The following CYTH1 variants were observed in gnomAD, a reference collection of about 807,000 sequenced individuals.
CYTH1 encodes the protein cytohesin-1.
CYTH1 carries 18 observed loss-of-function variants against 61.8 expected under a neutral mutation model. The ratio of observed to expected loss-of-function variants is 0.29; its 90% CI spans 0.20 to 0.43. The LOEUF (loss-of-function observed/expected upper bound fraction) is 0.43. CYTH1 is among the 20% of genes least tolerant of loss of function. CYTH1 has a pLI of 1.00. For missense variants in CYTH1, 336 were observed against 510.5 expected (o/e 0.66, Z 3.29); for synonymous variants, 174 against 184.3 (o/e 0.94, Z 0.45).
chr17:78,685,027 C>A (rs1178266384), intron 11 of CYTH1, among the ~76,000 whole-genome samples: 1 of 151,830 alleles, frequency 6.6e-6, no homozygotes, highest in Non-Finnish European at 1.5e-5. Context: ...GGTGAAACCC[C>A]ATCTCTACTA....
At chr17:78,734,255 C>T (rs1010454606) in intron 1 of CYTH1, among the ~76,000 whole-genome samples, 2 of 150,134 alleles carry the variant, frequency 1.3e-5, no homozygotes, top group African/African-American at 4.9e-5. Flanking sequence ...AAAAAAAAGG[C>T]AAATCAAGGG....
intron 1 of CYTH1, among the ~76,000 whole-genome samples, chr17:78,769,703 C>T (rs989100049): frequency 6.6e-6 from 1 of 152,170 alleles, no homozygotes; most frequent in Admixed American, 6.5e-5. Context: ...CTGAATAAAC[C>T]ATTACAAACT....
chr17:78,731,842 T>C lies in CYTH1; in HGVS notation c.23-22110A>G, dbSNP rs1014642696. ...GAAAGAAAGGCAGAGACAAGAACAC[T>C]ATAAATCCAGTAAAGTTGCCTTTGC... On this transcript the variant is annotated intron_variant, in intron 1 of 13. Transcript: ENST00000446868. Among the ~76,000 whole-genome samples, 6 of 151,418 alleles carry C rather than the reference T, an allele frequency of 4.0e-5. No individual in the cohort carries two copies. In the East Asian group the frequency reaches 1.2e-3, roughly 30 times the overall value.
chr17:78,770,134 G>A (rs2093464717), intron 1 of CYTH1, among the ~76,000 whole-genome samples: 1 of 151,018 alleles, frequency 6.6e-6, no homozygotes, highest in Non-Finnish European at 1.5e-5. Flanking sequence ...TGACGACACA[G>A]CAAGACTTCG....
At chr17:78,732,488 G>A (rs1248022852) in intron 1 of CYTH1, among the ~76,000 whole-genome samples, 1 of 152,198 alleles carries the variant, frequency 6.6e-6, no homozygotes, top group Non-Finnish European at 1.5e-5. Flanking sequence ...CATCTCTGGT[G>A]TACTCAACAG....
chr17:78,685,846 T>A (rs2092811244), intron 11 of CYTH1, among the ~76,000 whole-genome samples: 1 of 152,232 alleles, frequency 6.6e-6, no homozygotes, highest in Non-Finnish European at 1.5e-5. Context: ...CATTCTTCTC[T>A]TCAAAACTGT....
chr17:78,703,106 AT>A (rs1017202453), intron 3 of CYTH1, among the ~76,000 whole-genome samples: 2 of 150,438 alleles, frequency 1.3e-5, no homozygotes, highest in Admixed American at 1.3e-4. Flanking sequence ...TTTTAACATG[AT>A]TTTTAAAAAA....
chr17:78,766,286 C>T (rs1288351163), intron 1 of CYTH1, among the ~76,000 whole-genome samples: 1 of 152,034 alleles, frequency 6.6e-6, no homozygotes. Context: ...GGCAAAAAGG[C>T]TAAGAGAAGC....
intron 10 of CYTH1, among the ~76,000 whole-genome samples, chr17:78,695,793 A>G (rs914667030): frequency 1.4e-4 from 21 of 152,254 alleles, no homozygotes; most frequent in Admixed American, 6.5e-5. Flanking sequence ...TCAGTAATGA[A>G]TATAACATAT....
In CYTH1 at chr17:78,740,662, T is replaced by A. The variant is rs114592045; in HGVS notation, c.23-30930A>T. Among the ~76,000 whole-genome samples the A allele has an allele frequency of 8.6e-4, 131 of 152,354 alleles. 1 individual carries two copies. Among genetic ancestry groups the A allele is most frequent in the African/African-American group, 3.1e-3 (128 of 41,594 alleles). ...TTCCTTAAAATAGACATTTAACCAC[T>A]GCATCACCAAATTGTATGTTTCACT... On this transcript the variant is annotated intron_variant, in intron 1 of 13. Transcript: ENST00000446868.
At chr17:78,779,619 T>C (rs1233204791) in intron 1 of CYTH1, among the ~76,000 whole-genome samples, 1 of 152,118 alleles carries the variant, frequency 6.6e-6, no homozygotes. Flanking sequence ...GGTCCCACTA[T>C]AATCACAAGG....
At chr17:78,758,811 C>T (rs576721536) in intron 1 of CYTH1, among the ~76,000 whole-genome samples, 1 of 152,332 alleles carries the variant, frequency 6.6e-6, no homozygotes, top group African/African-American at 2.4e-5. Context: ...CATGCATAGA[C>T]ATCATCTGGG....
chr17:78,698,270 G>A lies in CYTH1; in HGVS notation c.810C>T (p.Leu270=), dbSNP rs369625185. 6.8e-6 allele frequency: 11 copies of A among 1,612,670 alleles called. No individual in the cohort carries two copies. The highest frequency in any genetic ancestry group is 4.5e-5 in the East Asian group (2 of 44,886). Residue 270 remains leucine, a splice_region_variant and synonymous_variant, in exon 9 of 14, where the codon CTC becomes CTT. Transcript: ENST00000446868. The stretch of plus-strand genomic sequence containing the variant: ...GCCCTGACTCAGAGGTGCGCTTACC[G>A]AGTTTCAATAGCCAGCCTTCTCGGT... The part of the protein sequence containing the change: ...NPDREGWLLK[L]GGGRVKTWKR...
intron 1 of CYTH1, among the ~76,000 whole-genome samples, chr17:78,748,248 A>C (rs764441015): frequency 6.6e-5 from 10 of 152,204 alleles, no homozygotes; most frequent in Non-Finnish European, 1.2e-4. Context: ...ATCAAAAATG[A>C]AAACTCTATG....
At chr17:78,752,348 C>T (rs2093383570) in intron 1 of CYTH1, among the ~76,000 whole-genome samples, 1 of 152,104 alleles carries the variant, frequency 6.6e-6, no homozygotes, top group Admixed American at 6.6e-5. Flanking sequence ...TTAAAAAGTA[C>T]CTAATTGGAG....
At chr17:78,758,360 T>C (rs1645686650) in intron 1 of CYTH1, among the ~76,000 whole-genome samples, 2 of 152,166 alleles carry the variant, frequency 1.3e-5, no homozygotes, top group South Asian at 4.1e-4. Context: ...TAGCATGACA[T>C]GCCCCCATTG....
At chr17:78,690,698 C>CAA in intron 11 of CYTH1, among the ~76,000 whole-genome samples, 2 of 139,264 alleles carry the variant, frequency 1.4e-5, no homozygotes, top group South Asian at 4.5e-4. Flanking sequence ...GACTCCGTCT[C>CAA]AAAAAAAAAA....
chr17:78,719,214 G>A (rs1035245118), intron 1 of CYTH1, among the ~76,000 whole-genome samples: 13 of 152,208 alleles, frequency 8.5e-5, no homozygotes, highest in Non-Finnish European at 7.3e-5. Context: ...ATGACCCTGG[G>A]CAAGTTACTT....
chr17:78,692,546 G>C (rs1179396902), intron 10 of CYTH1, 53 bp from the exon 11 acceptor site: 1 of 1,563,070 alleles, frequency 6.4e-7, no homozygotes, highest in African/African-American at 1.4e-5. Context: ...GACAAGTGCA[G>C]GCTCCACGAC....
Sources: allele counts gnomAD v4.1 joint callset (sites outside exome capture counted in the v4.1 genomes callset), GRCh38; gene constraint gnomAD v4.1.1; transcripts MANE v1.5; gene names NCBI Gene and HGNC (gene_info 2026-07-23, HGNC 2026-07-21).